Variants in RGS6 observed in about 807,000 individuals in gnomAD.
RGS6 encodes the protein regulator of G-protein signaling 6.
RGS6 carries 30 observed loss-of-function variants against 78.5 expected under a neutral mutation model. That is an observed-to-expected ratio of 0.38 (90% CI 0.29 to 0.52). RGS6 has a LOEUF of 0.52. Ranked by LOEUF, RGS6 falls within the 20% of genes least tolerant of loss-of-function variation. The pLI is 0.85. For missense variants in RGS6, 495 were observed against 609.7 expected (o/e 0.81, Z 1.98); for synonymous variants, 206 against 206.0 (o/e 1.00, Z 0.00).
At chr14:72,491,011 T>C (rs2096570795) in intron 12 of RGS6, among the ~76,000 whole-genome samples, 1 of 152,176 alleles carries the variant, frequency 6.6e-6, no homozygotes, top group African/African-American at 2.4e-5. Flanking sequence ...GTGCAGCTGG[T>C]TTATGGATCA....
At chr14:72,542,095 C>T (rs2097334589) in intron 17 of RGS6, among the ~76,000 whole-genome samples, 1 of 150,506 alleles carries the variant, frequency 6.6e-6, no homozygotes, top group African/African-American at 2.5e-5. Context: ...GGATAAAAGG[C>T]CCAAACTATT....
intron 15 of RGS6, among the ~76,000 whole-genome samples, chr14:72,532,666 AG>A (rs2097197574): frequency 2.0e-5 from 3 of 152,242 alleles, no homozygotes; most frequent in Non-Finnish European, 4.4e-5. Flanking sequence ...ACAAAAGATA[AG>A]AAAGCAAAAC....
intron 2 of RGS6, among the ~76,000 whole-genome samples, chr14:72,188,695 C>T (rs189211843): frequency 2.0e-5 from 3 of 152,124 alleles, no homozygotes; most frequent in African/African-American, 7.2e-5. Flanking sequence ...CCCTGTGTTG[C>T]GACACAGCCT....
rs560343390 is a variant in RGS6 at position 71,949,809 on chromosome 14, T to C, written c.-20-14963T>C. On this transcript the variant is annotated intron_variant, in intron 1 of 17. Coordinates refer to ENST00000553525, the MANE Select transcript of RGS6 (RefSeq NM_001204424.2). ...TTTTTTTTTTTTGCCTTTTAGCCTT[T>C]TATCTTTAGGTTGTAAAAATCTACC... Among the ~76,000 whole-genome samples the C allele has an allele frequency of 4.7e-5, 7 of 150,126 alleles. No homozygotes were observed. The South Asian group carries it at 1.3e-3, about 27-fold the overall frequency.
chr14:72,296,080 A>G (rs1192313738), intron 2 of RGS6, among the ~76,000 whole-genome samples: 1 of 152,196 alleles, frequency 6.6e-6, no homozygotes, highest in Non-Finnish European at 1.5e-5. Flanking sequence ...ACTTGGTTCT[A>G]TTCTAGGACT....
At chr14:72,520,278 A>G (rs1410906788) in intron 15 of RGS6, among the ~76,000 whole-genome samples, 1 of 152,174 alleles carries the variant, frequency 6.6e-6, no homozygotes, top group Non-Finnish European at 1.5e-5. Context: ...AAGAGTTCCA[A>G]GCTCTGGATT....
chr14:72,089,342 C>T (rs2095178703), intron 2 of RGS6, among the ~76,000 whole-genome samples: 1 of 152,222 alleles, frequency 6.6e-6, no homozygotes, highest in African/African-American at 2.4e-5. Flanking sequence ...AATAAGTGCA[C>T]ATCACCTGGA....
chr14:72,624,421 C>T, the RGS6 span, among the ~76,000 whole-genome samples: 1 of 147,494 alleles, frequency 6.8e-6, no homozygotes, highest in Non-Finnish European at 1.5e-5. Flanking sequence ...TCACTGCAGC[C>T]TCCTTCTCCC....
intron 2 of RGS6, among the ~76,000 whole-genome samples, chr14:72,073,266 T>G (rs1053976228): frequency 6.6e-6 from 1 of 152,226 alleles, no homozygotes; most frequent in African/African-American, 2.4e-5. Flanking sequence ...AAACTGCAAC[T>G]TTTAAGTGAA....
intron 2 of RGS6, among the ~76,000 whole-genome samples, chr14:72,057,313 GAAAAAAAAAA>G (rs71109718): frequency 8.9e-5 from 5 of 56,176 alleles, no homozygotes; most frequent in Admixed American, 2.3e-4. Flanking sequence ...GACTCTATCT[GAAAAAAAAAA>G]AAAAAAAAAA....
At chr14:72,552,409 C>T (rs1277787689) in intron 17 of RGS6, among the ~76,000 whole-genome samples, 2 of 152,166 alleles carry the variant, frequency 1.3e-5, no homozygotes, top group Non-Finnish European at 2.9e-5. Flanking sequence ...GGGAGGGCCA[C>T]CAGGCAAATG....
rs1057198352 is a variant in RGS6, at chr14:72,226,358, A to G, written c.85-125737A>G. Among the ~76,000 whole-genome samples the G allele has an allele frequency of 9.8e-5, 15 of 152,370 alleles. No homozygotes were observed. The South Asian group carries it at 1.0e-3, about 11-fold the overall frequency. Reference sequence around the variant, plus strand: ...CTCAGACATTAAAATTTTAAAATCTAGATGTCATATCAAAGTATATGAGAT... The same window carrying G: ...CTCAGACATTAAAATTTTAAAATCTGGATGTCATATCAAAGTATATGAGAT... On this transcript the variant is annotated intron_variant, in intron 2 of 17. Transcript: ENST00000553525.
chr14:72,037,717 A>G (rs2091913850), intron 2 of RGS6, among the ~76,000 whole-genome samples: 1 of 152,210 alleles, frequency 6.6e-6, no homozygotes. Flanking sequence ...GCCCATGGGT[A>G]TATGCAGCAG....
At chr14:72,018,365 T>C (rs557484408) in intron 2 of RGS6, among the ~76,000 whole-genome samples, 8 of 152,352 alleles carry the variant, frequency 5.3e-5, no homozygotes, top group Non-Finnish European at 7.3e-5. Flanking sequence ...TGTGCTTTTA[T>C]AACTTGTGAT....
chr14:72,042,929 C>G (rs2092545919), intron 2 of RGS6, among the ~76,000 whole-genome samples: 1 of 152,086 alleles, frequency 6.6e-6, no homozygotes, highest in Admixed American at 6.6e-5. Flanking sequence ...TGCCAGTTAC[C>G]TTTGAAAAAG....
chr14:72,581,468 T>A, the RGS6 span, among the ~76,000 whole-genome samples: 2 of 152,244 alleles, frequency 1.3e-5, no homozygotes, highest in Non-Finnish European at 2.9e-5. Context: ...CCCTCTTCAA[T>A]CTATTTTCCA....
rs117586233 is a variant in RGS6 at position 72,180,167 on chromosome 14, G to T, written c.85-171928G>T. ...TTGTATGGTAGCTAAAACTGCCAAG[G>T]ACTACTGTGATCCATTGAAACATCA... On this transcript the variant is annotated intron_variant, in intron 2 of 17. Coordinates refer to ENST00000553525, the MANE Select transcript of RGS6 (RefSeq NM_001204424.2). Among the ~76,000 whole-genome samples, 372 of 152,302 alleles carry T rather than the reference G, an allele frequency of 2.4e-3. 5 individuals carry two copies. Among genetic ancestry groups the T allele is most frequent in the Middle Eastern group, 0.01 (3 of 294 alleles).
At chr14:72,159,308 A>G (rs1036063227) in intron 2 of RGS6, among the ~76,000 whole-genome samples, 1 of 152,190 alleles carries the variant, frequency 6.6e-6, no homozygotes, top group African/African-American at 2.4e-5. Context: ...TTCCCCAGGA[A>G]GGAGGGCCAG....
chr14:72,571,520 G>A (rs906554740), downstream of RGS6, among the ~76,000 whole-genome samples: 3 of 152,192 alleles, frequency 2.0e-5, no homozygotes, highest in African/African-American at 7.2e-5. Context: ...ATAAACCCAT[G>A]CGTTTATAGC....
Sources: gnomAD v4.1 joint callset for allele counts (sites outside exome capture counted in the v4.1 genomes callset) on GRCh38, gnomAD v4.1.1 for gene constraint, MANE v1.5 for transcripts, NCBI Gene and HGNC (gene_info 2026-07-23, HGNC 2026-07-21) for gene names.